TCF12: variants seen among roughly 807,000 people sequenced by gnomAD.
The protein encoded by TCF12 is DNA-binding protein HTF4.
A neutral mutation model predicts 86.0 loss-of-function variants in TCF12; 45 were observed. The ratio of observed to expected loss-of-function variants is 0.52; its 90% CI spans 0.41 to 0.67. The LOEUF (loss-of-function observed/expected upper bound fraction) is 0.67. TCF12 is among the 30% of genes least tolerant of loss of function. The pLI is 0.00. For missense variants in TCF12, 881 were observed against 859.9 expected (o/e 1.02, Z -0.31); for synonymous variants, 330 against 299.6 (o/e 1.10, Z -1.05).
Position 57,118,946 on chromosome 15 carries a change from C to CT in TCF12, c.325+27063dup, listed in dbSNP as rs111271361. Among the ~76,000 whole-genome samples, 125 of 151,792 alleles carry CT rather than the reference C, an allele frequency of 8.2e-4. 4 individuals are homozygous for CT. The highest frequency in any genetic ancestry group is 2.8e-3 in the African/African-American group (118 of 41,442). On this transcript the variant is annotated intron_variant, in intron 5 of 20. Coordinates refer to ENST00000333725, the MANE Select transcript of TCF12 (RefSeq NM_207037.2). ...GATTTTCAAAGCTAACATTTTTTTC[C>CT]TTTTTTTTCCCCCAAAGGATATAAT... is the stretch of plus-strand genomic sequence containing the variant.
intron 3 of TCF12, among the ~76,000 whole-genome samples, chr15:56,924,933 T>A (rs1343963856): frequency 1.3e-5 from 2 of 152,222 alleles, no homozygotes; most frequent in African/African-American, 4.8e-5. Flanking sequence ...GTGTGGTGGC[T>A]CATGCCTGTA....
chr15:57,028,952 C>T (rs1468423488), intron 3 of TCF12, among the ~76,000 whole-genome samples: 1 of 152,094 alleles, frequency 6.6e-6, no homozygotes, highest in African/African-American at 2.4e-5. Flanking sequence ...TGTGCGCCAC[C>T]ATGCCCAGCT....
At chr15:57,282,819 T>A (rs1440692869) in intron 20 of TCF12, among the ~76,000 whole-genome samples, 1 of 152,256 alleles carries the variant, frequency 6.6e-6, no homozygotes, top group Non-Finnish European at 1.5e-5. Flanking sequence ...TGGCAGTATC[T>A]TGTGACTTTG....
At chr15:57,200,555 C>G (rs1231685643) in intron 8 of TCF12, among the ~76,000 whole-genome samples, 1 of 152,066 alleles carries the variant, frequency 6.6e-6, no homozygotes, top group Non-Finnish European at 1.5e-5. Flanking sequence ...CATCAGTTTC[C>G]TACTTGTTCA....
chr15:57,197,716 G>A, intron 7 of TCF12, 57 bp from the exon 8 acceptor site: 1 of 1,579,698 alleles, frequency 6.3e-7, no homozygotes, highest in Non-Finnish European at 8.6e-7. Context: ...TTAATTTGAA[G>A]TCTTGATTTT....
chr15:56,988,970 A>G (rs561235020), intron 3 of TCF12, among the ~76,000 whole-genome samples: 45 of 152,300 alleles, frequency 3.0e-4, no homozygotes, highest in African/African-American at 1.0e-3. Flanking sequence ...AAAGTATACT[A>G]TAATCGTGTT....
intron 3 of TCF12, among the ~76,000 whole-genome samples, chr15:56,949,670 C>G (rs1044568841): frequency 6.6e-6 from 1 of 152,140 alleles, no homozygotes; most frequent in South Asian, 2.1e-4. Flanking sequence ...ATAATTTGTG[C>G]CAGGCTCTGT....
rs770312018 is a variant in TCF12, at chr15:57,231,224, A to T, written c.652A>T (p.Thr218Ser). ...TAGTTATCCATCTCCTAAGCCACCA[A>T]CCAGTATGTTCGCTAGCACTTTCTT... is the stretch of plus-strand genomic sequence containing the variant. ...SPSYPSPKPP[T>S]SMFASTFFMQ... Residue 218 changes from threonine to serine, a missense_variant, in exon 9 of 21, where the codon ACC becomes TCC. Around this residue, in one of 3 missense-constraint regions of TCF12, gnomAD observed 766 missense variants for 718.9 expected, o/e 1.07. Transcript: ENST00000333725. 7 of 1,613,152 alleles carry T rather than the reference A, an allele frequency of 4.3e-6. No homozygotes were observed. The South Asian group carries it at 7.7e-5, about 18-fold the overall frequency.
chr15:56,988,217 A>G (rs199916354), intron 3 of TCF12, among the ~76,000 whole-genome samples: 1 of 152,198 alleles, frequency 6.6e-6, no homozygotes, highest in Non-Finnish European at 1.5e-5. Context: ...GTTGTAAGCA[A>G]TTAGTTATTA....
chr15:57,219,012 A>G, intron 8 of TCF12: 1 of 1,038,306 alleles, frequency 9.6e-7, no homozygotes, highest in Non-Finnish European at 1.2e-6. Context: ...TGATTACTTG[A>G]TCATGTGTTT....
chr15:57,111,119 T>G (rs1182664557), intron 5 of TCF12, among the ~76,000 whole-genome samples: 2 of 152,150 alleles, frequency 1.3e-5, no homozygotes, highest in Non-Finnish European at 2.9e-5. Context: ...CATACTCTGT[T>G]CTAGCTTTTT....
intron 3 of TCF12, among the ~76,000 whole-genome samples, chr15:57,049,538 C>G (rs2067472080): frequency 6.6e-6 from 1 of 152,190 alleles, no homozygotes; most frequent in South Asian, 2.1e-4. Flanking sequence ...TGTGTATTAG[C>G]AGTTTGTTCT....
At chr15:57,261,620 A>G (rs1395503941) in intron 16 of TCF12, among the ~76,000 whole-genome samples, 2 of 152,146 alleles carry the variant, frequency 1.3e-5, no homozygotes, top group African/African-American at 2.4e-5. Context: ...ATCCGTAACA[A>G]GTTTTTTTAT....
At chr15:57,069,074 T>G (rs2069148313) in intron 4 of TCF12, among the ~76,000 whole-genome samples, 2 of 152,192 alleles carry the variant, frequency 1.3e-5, no homozygotes, top group African/African-American at 4.8e-5. Context: ...CTCTGCCTTT[T>G]TAACTGTGTT....
At chr15:57,118,979 C>G (rs2051030680) in intron 5 of TCF12, among the ~76,000 whole-genome samples, 1 of 152,072 alleles carries the variant, frequency 6.6e-6, no homozygotes, top group African/African-American at 2.4e-5. Context: ...AATGTATTAT[C>G]TATCAACCAC....
chr15:56,986,528 G>C (rs1257354642), intron 3 of TCF12, among the ~76,000 whole-genome samples: 1 of 152,102 alleles, frequency 6.6e-6, no homozygotes, highest in Non-Finnish European at 1.5e-5. Flanking sequence ...AAGCAGCTCA[G>C]CTTAAACCCC....
At chr15:57,120,508 A>C (rs1198172698) in intron 5 of TCF12, among the ~76,000 whole-genome samples, 4 of 152,158 alleles carry the variant, frequency 2.6e-5, no homozygotes, top group African/African-American at 9.7e-5. Flanking sequence ...CAGGACTTAC[A>C]GTTCTGTGTA....
chr15:57,173,955 C>T (rs540580295), intron 6 of TCF12, among the ~76,000 whole-genome samples: 1 of 152,278 alleles, frequency 6.6e-6, no homozygotes, highest in South Asian at 2.1e-4. Flanking sequence ...ATCCCCCCGC[C>T]TCAGCCTCTC....
chr15:56,959,478 G>C (rs2061648353), intron 3 of TCF12, among the ~76,000 whole-genome samples: 1 of 152,212 alleles, frequency 6.6e-6, no homozygotes, highest in East Asian at 1.9e-4. Flanking sequence ...GTTTCATGTG[G>C]AGAGAACAAA....
Sources: allele counts gnomAD v4.1 joint callset (sites outside exome capture counted in the v4.1 genomes callset), GRCh38; gene constraint gnomAD v4.1.1; regional missense constraint gnomAD v4.1.1; transcripts MANE v1.5; gene names NCBI Gene and HGNC (gene_info 2026-07-23, HGNC 2026-07-21).